The following LRRC69 variants were observed in gnomAD, a reference collection of about 807,000 sequenced individuals.
LRRC69 encodes leucine-rich repeat-containing protein 69.
A neutral mutation model predicts 37.8 loss-of-function variants in LRRC69; 42 were observed. The ratio of observed to expected loss-of-function variants is 1.11; its 90% CI spans 0.87 to 1.44. LRRC69 has a LOEUF of 1.44. Ranked by LOEUF, LRRC69 falls within the 40% of genes most tolerant of loss-of-function variation. LRRC69 has a pLI of 0.00. For synonymous variants in LRRC69, 141 were observed against 143.1 expected (o/e 0.99, Z 0.11); for missense variants, 357 against 401.9 (o/e 0.89, Z 0.96).
intron 7 of LRRC69, among the ~76,000 whole-genome samples, chr8:91,212,730 G>A (rs1281355304): frequency 3.9e-5 from 6 of 152,224 alleles, no homozygotes; most frequent in Non-Finnish European, 7.4e-5. Context: ...CATTTATGCC[G>A]TGGTTAGTCA....
rs142397943 is a variant in LRRC69 at position 91,178,972 on chromosome 8, C to T, written c.652-10550C>T. 6.1e-3 allele frequency among the ~76,000 whole-genome samples: 923 copies of T among 152,204 alleles called. 5 individuals are homozygous for T. Among genetic ancestry groups the T allele is most frequent in the Non-Finnish European group, 0.011 (757 of 68,002 alleles). On this transcript the variant is annotated intron_variant, in intron 5 of 7. Transcript: ENST00000448384. Reference sequence around the variant, plus strand: ...TTTAAGGTTCAGATGAAATATTTTCCCCATGTAAACTTGGCAGAGTTCTTG... The same window carrying T: ...TTTAAGGTTCAGATGAAATATTTTCTCCATGTAAACTTGGCAGAGTTCTTG...
chr8:91,176,426 T>C (rs1328445553), intron 5 of LRRC69, among the ~76,000 whole-genome samples: 1 of 152,176 alleles, frequency 6.6e-6, no homozygotes, highest in African/African-American at 2.4e-5. Context: ...ATTACAGGCA[T>C]GAGCCACTGT....
intron 7 of LRRC69, among the ~76,000 whole-genome samples, chr8:91,202,330 T>A (rs1809724607): frequency 6.6e-6 from 1 of 152,206 alleles, no homozygotes; most frequent in Non-Finnish European, 1.5e-5. Context: ...AATTTGATCA[T>A]CTTGGTAAAG....
At chr8:91,169,635 A>G (rs1809090783) in intron 5 of LRRC69, among the ~76,000 whole-genome samples, 1 of 134,964 alleles carries the variant, frequency 7.4e-6, no homozygotes, top group Non-Finnish European at 1.6e-5. Context: ...CTCATCATCT[A>G]GCATTAGGTA....
chr8:91,103,060 T>A (rs1196077247), intron 1 of LRRC69, among the ~76,000 whole-genome samples: 1 of 152,180 alleles, frequency 6.6e-6, no homozygotes, highest in African/African-American at 2.4e-5. Context: ...ATTCATGTGC[T>A]CTTTGGCCCA....
At chr8:91,203,042 A>T (rs996088209) in intron 7 of LRRC69, among the ~76,000 whole-genome samples, 5 of 152,190 alleles carry the variant, frequency 3.3e-5, no homozygotes, top group Non-Finnish European at 7.3e-5. Flanking sequence ...AATAGGGAAG[A>T]CTAAGGGAGA....
rs759176897 is a variant in LRRC69 at position 91,133,091 on chromosome 8, GGT to G, written c.384-16_384-15del. 12 of 1,244,486 alleles carry G rather than the reference GGT, an allele frequency of 9.6e-6. No individual in the cohort carries two copies. The African/African-American group carries it at 1.6e-4, about 16-fold the overall frequency. 77.1% of individuals were successfully genotyped at this position (1,244,486 alleles called of 1,614,324 possible). A position where few individuals can be genotyped will look rare whatever the true frequency, so the allele number is the denominator to read the frequency against. On this transcript the variant is annotated splice_polypyrimidine_tract_variant and intron_variant, in intron 3 of 7. Coordinates refer to ENST00000448384, the Ensembl canonical transcript of LRRC69. ...CTTGTGAGTTTCATTCATATACTTTGGTGTTTTTTTTTTTTTAGATTAAAAAG... is the reference window on the plus strand; with the variant it reads ...CTTGTGAGTTTCATTCATATACTTTGGTTTTTTTTTTTTTAGATTAAAAAG...
chr8:91,201,207 C>T (rs375996395), intron 7 of LRRC69, among the ~76,000 whole-genome samples: 12 of 152,256 alleles, frequency 7.9e-5, no homozygotes, highest in African/African-American at 1.4e-4. Flanking sequence ...ACACTAAATA[C>T]GCATGAATGT....
chr8:91,112,204 G>T (rs1813420305), intron 1 of LRRC69, among the ~76,000 whole-genome samples: 1 of 152,018 alleles, frequency 6.6e-6, no homozygotes, highest in African/African-American at 2.4e-5. Flanking sequence ...AGAAGTGGCT[G>T]TGACCTGGGA....
chr8:91,136,067 A>G (rs182641630), intron 5 of LRRC69, among the ~76,000 whole-genome samples: 1 of 152,026 alleles, frequency 6.6e-6, no homozygotes, highest in African/African-American at 2.4e-5. Flanking sequence ...TGGAGCATAA[A>G]TTTTTATCCC....
At chr8:91,188,316 G>A (rs1369843217) in intron 5 of LRRC69, among the ~76,000 whole-genome samples, 3 of 152,086 alleles carry the variant, frequency 2.0e-5, no homozygotes, top group South Asian at 2.1e-4. Flanking sequence ...TGCTTGCTAC[G>A]TTTCAAATTC....
chr8:91,199,355 T>C (rs1480960543), intron 6 of LRRC69, among the ~76,000 whole-genome samples: 1 of 152,180 alleles, frequency 6.6e-6, no homozygotes, highest in East Asian at 1.9e-4. Flanking sequence ...GGTTGTGCTG[T>C]TGAACGATCA....
chr8:91,175,575 G>A (rs1809209486), intron 5 of LRRC69, among the ~76,000 whole-genome samples: 1 of 152,004 alleles, frequency 6.6e-6, no homozygotes, highest in Admixed American at 6.6e-5. Context: ...GGCTATATTG[G>A]CTTTCTTTGG....
intron 7 of LRRC69, among the ~76,000 whole-genome samples, chr8:91,204,894 T>G (rs79379506): frequency 1.6e-4 from 25 of 152,338 alleles, no homozygotes; most frequent in Non-Finnish European, 2.6e-4. Flanking sequence ...CACCAACTTT[T>G]TAGTTTGAGA....
intron 5 of LRRC69, among the ~76,000 whole-genome samples, chr8:91,168,680 AC>A (rs1809072547): frequency 1.3e-5 from 2 of 151,572 alleles, no homozygotes; most frequent in African/African-American, 2.4e-5. Context: ...AACTTGTGAC[AC>A]TTGTTACATG....
intron 5 of LRRC69, among the ~76,000 whole-genome samples, chr8:91,171,722 T>C (rs755638103): frequency 6.6e-6 from 1 of 152,032 alleles, no homozygotes; most frequent in Non-Finnish European, 1.5e-5. Flanking sequence ...TACACATTGG[T>C]AATCAGAATC....
intron 1 of LRRC69, among the ~76,000 whole-genome samples, chr8:91,104,159 A>G (rs1813267701): frequency 6.6e-6 from 1 of 151,960 alleles, no homozygotes; most frequent in Non-Finnish European, 1.5e-5. Context: ...GTCTACAGGT[A>G]TCTTTTACAT....
chr8:91,111,137 A>T (rs759230292), intron 1 of LRRC69, among the ~76,000 whole-genome samples: 31 of 152,236 alleles, frequency 2.0e-4, no homozygotes, highest in Non-Finnish European at 4.0e-4. Context: ...GTAGAGGTAA[A>T]ATATACATGT....
At chr8:91,195,720 T>C (rs1243536220) in intron 6 of LRRC69, among the ~76,000 whole-genome samples, 2 of 152,224 alleles carry the variant, frequency 1.3e-5, no homozygotes, top group Non-Finnish European at 2.9e-5. Context: ...CATCCTTTTA[T>C]TTTGAGCCTA....
Sources: allele counts gnomAD v4.1 joint callset (sites outside exome capture counted in the v4.1 genomes callset), GRCh38; gene constraint gnomAD v4.1.1; transcripts MANE v1.5; gene names NCBI Gene and HGNC (gene_info 2026-07-23, HGNC 2026-07-21).